Variants in ZNF512 observed in about 807,000 individuals in gnomAD.
The protein encoded by ZNF512 is zinc finger protein 512.
A neutral mutation model predicts 77.5 loss-of-function variants in ZNF512; 25 were observed. That is an observed-to-expected ratio of 0.32 (90% CI 0.23 to 0.45). The LOEUF (loss-of-function observed/expected upper bound fraction) is 0.45, where lower values mean the gene tolerates loss of function less well. Among genes scored for constraint, ZNF512 ranks in the 20% least tolerant of loss-of-function variants. ZNF512 has a pLI of 1.00. For synonymous variants in ZNF512, 246 were observed against 239.9 expected, an observed-to-expected ratio of 1.03 and a Z score of -0.24; for missense variants, 483 against 692.6, an observed-to-expected ratio of 0.70 and a Z score of 3.40.
chr2:27,615,485 G>A (rs548194622), intron 11 of ZNF512, among the ~76,000 whole-genome samples: 10 of 152,218 alleles, frequency 6.6e-5, no homozygotes, highest in Admixed American at 5.2e-4. Flanking sequence ...ATAAAAGTGC[G>A]TTCAACTGGA....
chr2:27,591,932 C>G (rs1671603871), intron 2 of ZNF512, among the ~76,000 whole-genome samples: 2 of 152,318 alleles, frequency 1.3e-5, no homozygotes, highest in East Asian at 1.9e-4. Flanking sequence ...TAATATGTCA[C>G]TTTTCTGAAG....
intron 10 of ZNF512, among the ~76,000 whole-genome samples, chr2:27,610,544 G>GTGTGTATATA (rs1413007886): frequency 3.4e-3 from 111 of 32,638 alleles, no homozygotes; most frequent in East Asian, 0.018. Context: ...ATATGTGTGT[G>GTGTGTATATA]TATATATATA....
chr2:27,583,353 C>T, intron 1 of ZNF512: 2 of 1,300,080 alleles, frequency 1.5e-6, no homozygotes, highest in South Asian at 1.5e-5. Context: ...GCCACATTAC[C>T]ATTAGTTTCT....
intron 11 of ZNF512, among the ~76,000 whole-genome samples, chr2:27,615,923 TATAAA>T (rs1253390413): frequency 2.0e-5 from 3 of 152,110 alleles, no homozygotes; most frequent in African/African-American, 7.2e-5. Flanking sequence ...GAGGAGTAAA[TATAAA>T]AGAAGTGGGA....
At chr2:27,599,534 A>G in intron 3 of ZNF512, 49 bp from the exon 4 acceptor site, 1 of 1,425,224 alleles carries the variant, frequency 7.0e-7, no homozygotes, top group Non-Finnish European at 9.9e-7. Context: ...CTAGATGTTC[A>G]TTTACAAAGT....
intron 2 of ZNF512, among the ~76,000 whole-genome samples, chr2:27,584,966 G>T (rs1473657430): frequency 6.6e-6 from 1 of 152,224 alleles, no homozygotes; most frequent in Non-Finnish European, 1.5e-5. Context: ...ATGAAGGATG[G>T]ATTTGGAAGG....
chr2:27,607,276 A>G (rs896565910), intron 9 of ZNF512, among the ~76,000 whole-genome samples: 2 of 151,350 alleles, frequency 1.3e-5, no homozygotes, highest in East Asian at 3.9e-4. Context: ...ATTTAGGGCT[A>G]TGGTCCATTT....
intron 13 of ZNF512, among the ~76,000 whole-genome samples, chr2:27,619,384 C>T (rs1673028571): frequency 6.6e-6 from 1 of 151,742 alleles, no homozygotes; most frequent in African/African-American, 2.4e-5. Context: ...GCCTGGGCAA[C>T]AGAGCAAGAC....
intron 10 of ZNF512, among the ~76,000 whole-genome samples, chr2:27,610,569 T>TATATATATATATATATATACATA (rs70953871): frequency 7.0e-4 from 11 of 15,794 alleles, no homozygotes; most frequent in South Asian, 2.6e-3. Flanking sequence ...TATATATATA[T>TATATATATATATATATATACATA]TTTTTTTTTT....
chr2:27,594,634 C>T (rs1329876526), intron 2 of ZNF512, among the ~76,000 whole-genome samples: 2 of 149,622 alleles, frequency 1.3e-5, no homozygotes, highest in Non-Finnish European at 3.0e-5. Flanking sequence ...AGAGGCGCTC[C>T]TCACTTCCCA....
At chr2:27,586,018 T>A (rs2147998797) in intron 2 of ZNF512, among the ~76,000 whole-genome samples, 1 of 152,326 alleles carries the variant, frequency 6.6e-6, no homozygotes, top group Non-Finnish European at 1.5e-5. Flanking sequence ...CTAACCACCT[T>A]GATTTAATCT....
Position 27,583,074 on chromosome 2 carries a change from G to T in ZNF512, c.-39G>T. ...AGCGGAAGTGGCGTTGGTCTGGCCG[G>T]AGCCCTTGGGTGAAATTGTTAGGCG... is the stretch of plus-strand genomic sequence containing the variant. On this transcript the variant is annotated 5_prime_UTR_variant, in exon 1 of 14. Coordinates refer to ENST00000355467, the MANE Select transcript of ZNF512 (RefSeq NM_032434.4). The T allele has an allele frequency of 6.2e-7, 1 of 1,614,028 alleles. No homozygotes were observed. The highest frequency in any genetic ancestry group is 8.5e-7 in the Non-Finnish European group (1 of 1,179,908).
chr2:27,605,485 T>C (rs1488724121), intron 9 of ZNF512, among the ~76,000 whole-genome samples: 1 of 151,932 alleles, frequency 6.6e-6, no homozygotes, highest in Non-Finnish European at 1.5e-5. Flanking sequence ...TGTTGTGTTT[T>C]GTTTTTTTGA....
At chr2:27,603,590 A>ATATATATTT (rs1553352045) in intron 9 of ZNF512, among the ~76,000 whole-genome samples, 7 of 85,676 alleles carry the variant, frequency 8.2e-5, no homozygotes, top group African/African-American at 2.9e-4. Flanking sequence ...GTGTGTGTAT[A>ATATATATTT]TTTTTTTTTT....
At chr2:27,584,994 C>T (rs1671266737) in intron 2 of ZNF512, among the ~76,000 whole-genome samples, 3 of 152,130 alleles carry the variant, frequency 2.0e-5, no homozygotes, top group South Asian at 4.1e-4. Context: ...GAAACTGGTT[C>T]AGAGGTTATT....
chr2:27,609,124 G>GGAAAA (rs1180447662), intron 10 of ZNF512, among the ~76,000 whole-genome samples: 3 of 149,696 alleles, frequency 2.0e-5, no homozygotes, highest in Admixed American at 1.3e-4. Flanking sequence ...AAAAAAAAAA[G>GGAAAA]GAAAAGAAAA....
intron 12 of ZNF512, 75 bp from the exon 13 acceptor site, chr2:27,617,398 A>C: frequency 1.3e-6 from 1 of 748,062 alleles, no homozygotes; most frequent in South Asian, 1.4e-5. Context: ...TTTCATCTCT[A>C]ACAATCCCTA....
At chr2:27,608,620 AAT>A (rs1250717709) in intron 10 of ZNF512, among the ~76,000 whole-genome samples, 1 of 152,102 alleles carries the variant, frequency 6.6e-6, no homozygotes, top group Non-Finnish European at 1.5e-5. Flanking sequence ...AATCTATTAG[AAT>A]AGATCATAGA....
rs140043162 is a variant in ZNF512, at chr2:27,603,586, G to GTGTGTGTGTGTGTGTGTGTGTATA, written c.936+280_936+281insGTGTGTGTGTGTGTGTGTGTATAT. 8.6e-4 allele frequency among the ~76,000 whole-genome samples: 62 copies of GTGTGTGTGTGTGTGTGTGTGTATA among 72,482 alleles called. 1 individual carries two copies. Among genetic ancestry groups the GTGTGTGTGTGTGTGTGTGTGTATA allele is most frequent in the African/African-American group, 3.6e-3 (62 of 17,036 alleles). The allele number at this position is 72,482 out of a possible 152,430, so 47.6% of individuals were successfully genotyped here. A position where few individuals can be genotyped will look rare whatever the true frequency, so the allele number is the denominator to read the frequency against. On this transcript the variant is annotated intron_variant, in intron 9 of 13. Coordinates refer to ENST00000355467, the MANE Select transcript of ZNF512 (RefSeq NM_032434.4). The stretch of plus-strand genomic sequence containing the variant: ...ATATTTTTATATAGTGTGTGTGTGT[G>GTGTGTGTGTGTGTGTGTGTGTATA]TATATTTTTTTTTTTTTTTTTCTTC...
Sources: gnomAD v4.1 joint callset for allele counts (sites outside exome capture counted in the v4.1 genomes callset) on GRCh38, gnomAD v4.1.1 for gene constraint, MANE v1.5 for transcripts, NCBI Gene and HGNC (gene_info 2026-07-23, HGNC 2026-07-21) for gene names.